The following ERBB4 variants were observed in gnomAD, a reference collection of about 807,000 sequenced individuals.
The protein encoded by ERBB4 is receptor tyrosine-protein kinase erbB-4.
ERBB4 carries 42 observed loss-of-function variants against 158.0 expected under a neutral mutation model. That is an observed-to-expected ratio of 0.27 (90% confidence interval 0.21 to 0.34). The LOEUF is 0.34. Among genes scored for constraint, ERBB4 ranks in the 10% least tolerant of loss-of-function variants. The pLI, the probability that ERBB4 is intolerant of heterozygous loss-of-function variation, is 1.00. For synonymous variants in ERBB4, 583 were observed against 558.7 expected (o/e 1.04, Z -0.61); for missense variants, 1,333 against 1,624.1 (o/e 0.82, Z 3.08).
At chr2:212,332,284 T>C (rs1232887981) in intron 1 of ERBB4, among the ~76,000 whole-genome samples, 1 of 152,062 alleles carries the variant, frequency 6.6e-6, no homozygotes, top group Non-Finnish European at 1.5e-5. Flanking sequence ...GACGCCGCCA[T>C]GGAAGAAGTG....
intron 2 of ERBB4, among the ~76,000 whole-genome samples, chr2:212,077,415 ATTTG>A (rs1284369180): frequency 2.6e-5 from 4 of 152,020 alleles, no homozygotes; most frequent in Non-Finnish European, 1.5e-5. Flanking sequence ...ATTATGATAT[ATTTG>A]TTTGTGTTTG....
At chr2:211,926,141 G>C (rs185666992) in intron 3 of ERBB4, among the ~76,000 whole-genome samples, 8 of 152,274 alleles carry the variant, frequency 5.3e-5, no homozygotes, top group Admixed American at 2.6e-4. Context: ...ACATGGCTGA[G>C]AGCATAACTG....
intron 1 of ERBB4, among the ~76,000 whole-genome samples, chr2:212,128,023 TTAAA>T: frequency 6.6e-6 from 1 of 152,324 alleles, no homozygotes; most frequent in East Asian, 1.9e-4. Context: ...AAATTCCGCA[TTAAA>T]TAAATGTTAA....
At chr2:211,461,696 C>T (rs539366129) in intron 20 of ERBB4, among the ~76,000 whole-genome samples, 5 of 151,810 alleles carry the variant, frequency 3.3e-5, no homozygotes, top group Non-Finnish European at 5.9e-5. Flanking sequence ...ATACACACTA[C>T]GAAATGTAGG....
rs899311954 is a variant in ERBB4 at position 211,463,709 on chromosome 2, C to T, written c.2488-32609G>A. On this transcript the variant is annotated intron_variant, in intron 20 of 27. Transcript: ENST00000342788. ...GCATTTTAAAACAAGTATCCTCCTC[C>T]CCTCCTACAGCAGGCCTTTCCAGGA... is the stretch of plus-strand genomic sequence containing the variant. 9.0e-5 allele frequency among the ~76,000 whole-genome samples: 9 copies of T among 100,048 alleles called. 1 individual carries two copies. In the East Asian group the frequency reaches 2.7e-3, roughly 30 times the overall value. 65.6% of individuals were successfully genotyped at this position (100,048 alleles called of 152,430 possible).
intron 19 of ERBB4, among the ~76,000 whole-genome samples, chr2:211,601,504 G>A (rs1256705569): frequency 6.6e-6 from 1 of 150,898 alleles, no homozygotes; most frequent in East Asian, 1.9e-4. Context: ...AAAAAAAAAA[G>A]CCCCAACTTT....
At chr2:211,510,514 T>G (rs2065860394) in intron 20 of ERBB4, among the ~76,000 whole-genome samples, 1 of 152,082 alleles carries the variant, frequency 6.6e-6, no homozygotes, top group Non-Finnish European at 1.5e-5. Flanking sequence ...CATTGACTCT[T>G]TAGATGATTC....
intron 20 of ERBB4, among the ~76,000 whole-genome samples, chr2:211,467,251 C>T (rs145963401): frequency 3.3e-4 from 50 of 152,230 alleles, no homozygotes; most frequent in Non-Finnish European, 6.0e-4. Flanking sequence ...AATCGGAAAG[C>T]AAGAGAACTG....
At chr2:212,114,116 T>C (rs1207507683) in intron 2 of ERBB4, among the ~76,000 whole-genome samples, 3 of 152,348 alleles carry the variant, frequency 2.0e-5, no homozygotes, top group South Asian at 2.1e-4. Flanking sequence ...CTGGTACTTG[T>C]TATTTAGGAG....
chr2:212,058,517 T>A lies in ERBB4; in HGVS notation c.234+66235A>T, dbSNP rs1419004018. 1.3e-5 allele frequency among the ~76,000 whole-genome samples: 2 copies of A among 152,194 alleles called. 1 individual carries two copies. Among genetic ancestry groups the A allele is most frequent in the Non-Finnish European group, 2.9e-5 (2 of 68,038 alleles). On this transcript the variant is annotated intron_variant, in intron 2 of 27. Transcript: ENST00000342788. ...GAGAATTTTAGACCAATATCCCTGA[T>A]GAACATCAATGCAAAAATCCTCAAT...
intron 20 of ERBB4, among the ~76,000 whole-genome samples, chr2:211,435,346 G>T (rs1302669824): frequency 6.6e-6 from 1 of 151,868 alleles, no homozygotes; most frequent in African/African-American, 2.4e-5. Flanking sequence ...GAACACAGCG[G>T]TCATTAAAGT....
intron 3 of ERBB4, among the ~76,000 whole-genome samples, chr2:211,807,818 G>C (rs1247734673): frequency 2.6e-5 from 4 of 152,192 alleles, no homozygotes; most frequent in East Asian, 3.9e-4. Flanking sequence ...GATCTCCATT[G>C]TAACTGGTGT....
intron 1 of ERBB4, among the ~76,000 whole-genome samples, chr2:212,148,660 AT>A (rs929331165): frequency 5.3e-5 from 8 of 152,172 alleles, no homozygotes; most frequent in African/African-American, 1.9e-4. Context: ...AAACAATTAT[AT>A]TTTATTTTAA....
chr2:211,573,163 G>A (rs921435375), intron 19 of ERBB4, among the ~76,000 whole-genome samples: 1 of 152,072 alleles, frequency 6.6e-6, no homozygotes, highest in African/African-American at 2.4e-5. Context: ...AGAGGAAAAG[G>A]CAATGTGAAG....
chr2:212,203,891 T>G (rs2082659576), intron 1 of ERBB4, among the ~76,000 whole-genome samples: 1 of 152,220 alleles, frequency 6.6e-6, no homozygotes, highest in South Asian at 2.1e-4. Flanking sequence ...TAACTTTGTT[T>G]CTAGATAAAT....
intron 1 of ERBB4, among the ~76,000 whole-genome samples, chr2:212,537,788 GC>G (rs1263721783): frequency 6.7e-6 from 1 of 150,250 alleles, no homozygotes; most frequent in African/African-American, 2.5e-5. Context: ...GCGAGTAAGC[GC>G]CCCTCAAGTC....
intron 1 of ERBB4, among the ~76,000 whole-genome samples, chr2:212,145,583 G>T (rs561872657): frequency 3.9e-5 from 6 of 152,134 alleles, no homozygotes; most frequent in Middle Eastern, 6.8e-3. Flanking sequence ...ACAAGAAATT[G>T]CTATAGGCCT....
chr2:211,742,221 T>C (rs575241179), intron 5 of ERBB4, among the ~76,000 whole-genome samples: 2 of 152,364 alleles, frequency 1.3e-5, no homozygotes, highest in South Asian at 4.1e-4. Context: ...ATTGGATATT[T>C]ACCACATCGG....
At chr2:212,109,239 G>C (rs943442334) in intron 2 of ERBB4, among the ~76,000 whole-genome samples, 1 of 152,136 alleles carries the variant, frequency 6.6e-6, no homozygotes, top group Non-Finnish European at 1.5e-5. Flanking sequence ...GTTCAGTTAA[G>C]AGTTCCGGTC....
Sources: allele counts gnomAD v4.1 joint callset (sites outside exome capture counted in the v4.1 genomes callset), GRCh38; gene constraint gnomAD v4.1.1; transcripts MANE v1.5; gene names NCBI Gene and HGNC (gene_info 2026-07-23, HGNC 2026-07-21).